PTCSC3: variants seen among roughly 807,000 people sequenced by gnomAD.
The protein encoded by PTCSC3 is papillary thyroid carcinoma susceptibility candidate 3 (non-protein coding).
At chr14:36,156,170 C>A (rs559116928) in intron 2 of PTCSC3, among the ~76,000 whole-genome samples, 2 of 152,356 alleles carry the variant, frequency 1.3e-5, no homozygotes, top group East Asian at 3.9e-4. Flanking sequence ...TACGTCTCTG[C>A]TCATGGTGAG....
intron 3 of PTCSC3, among the ~76,000 whole-genome samples, chr14:36,146,585 C>T (rs1292777115): frequency 1.3e-5 from 2 of 152,176 alleles, no homozygotes; most frequent in African/African-American, 2.4e-5. Flanking sequence ...TTCCTGAATA[C>T]AGCACACTGA....
intron 2 of PTCSC3, among the ~76,000 whole-genome samples, chr14:36,162,268 A>AAAC (rs1173664390): frequency 5.3e-5 from 3 of 56,926 alleles, no homozygotes; most frequent in African/African-American, 1.1e-4. Context: ...GAAAAAAAAA[A>AAAC]AAAAAAAAAA....
At position 36,157,263 on chromosome 14, in the gene PTCSC3, TTGTAAA is replaced by T. The variant is rs575376721; in HGVS notation, n.232-3375_232-3370del. On this transcript the variant is annotated intron_variant and non_coding_transcript_variant, in intron 2 of 3. Coordinates refer to ENST00000556013, the Ensembl canonical transcript of PTCSC3. ...ACTTTTTGATAGGGTTGTTTTTTTC[TTGTAAA>T]TGTAAGTTCTTTGTAGATTCTGAAT... is the stretch of plus-strand genomic sequence containing the variant. Among the ~76,000 whole-genome samples the T allele has an allele frequency of 5.3e-5, 8 of 152,204 alleles. No individual in the cohort carries two copies. The East Asian group carries it at 1.4e-3, about 26-fold the overall frequency.
rs117436751 is a variant in PTCSC3 at position 36,170,211 on chromosome 14, C to G, written n.171+6087G>C. 4.3e-3 allele frequency among the ~76,000 whole-genome samples: 647 copies of G among 151,860 alleles called. 3 individuals are homozygous for G. The highest frequency in any genetic ancestry group is 6.8e-3 in the Non-Finnish European group (460 of 67,910). On this transcript the variant is annotated intron_variant and non_coding_transcript_variant, in intron 1 of 3. Coordinates refer to ENST00000556013, the Ensembl canonical transcript of PTCSC3. ...TTTATAAATAAATATTAATAAATAT[C>G]TTCTGTAGGTTAAGAATTTCCCATG...
intron 3 of PTCSC3, among the ~76,000 whole-genome samples, chr14:36,151,893 G>A (rs1881731785): frequency 6.6e-6 from 1 of 152,128 alleles, no homozygotes; most frequent in Non-Finnish European, 1.5e-5. Flanking sequence ...AAGCAAGAGG[G>A]AATTTTTCTC....
chr14:36,156,781 T>C (rs886745155), intron 2 of PTCSC3, among the ~76,000 whole-genome samples: 1 of 152,194 alleles, frequency 6.6e-6, no homozygotes, highest in Non-Finnish European at 1.5e-5. Context: ...CCATGGTGTA[T>C]ATGTGCCACA....
intron 3 of PTCSC3, among the ~76,000 whole-genome samples, chr14:36,141,323 G>A (rs1881415697): frequency 1.3e-5 from 2 of 151,798 alleles, no homozygotes; most frequent in Admixed American, 6.6e-5. Flanking sequence ...ATCAAGTTGG[G>A]GATAACTGAC....
chr14:36,147,713 G>T (rs891552291), intron 3 of PTCSC3, among the ~76,000 whole-genome samples: 4 of 152,040 alleles, frequency 2.6e-5, no homozygotes, highest in African/African-American at 9.7e-5. Context: ...GAGGAACTGC[G>T]TTCCTTTGGA....
chr14:36,138,996 C>T (rs1881353979), intron 3 of PTCSC3, among the ~76,000 whole-genome samples: 1 of 151,908 alleles, frequency 6.6e-6, no homozygotes, highest in Admixed American at 6.6e-5. Flanking sequence ...TGCCTGTAGT[C>T]CCAGCTACTC....
chr14:36,166,236 C>G (rs997797277), intron 1 of PTCSC3, among the ~76,000 whole-genome samples: 1 of 152,162 alleles, frequency 6.6e-6, no homozygotes, highest in African/African-American at 2.4e-5. Flanking sequence ...CTTGCTCACA[C>G]GCTTCCTCTG....
intron 1 of PTCSC3, among the ~76,000 whole-genome samples, chr14:36,167,834 C>CT (rs1400765943): frequency 1.3e-5 from 2 of 152,126 alleles, no homozygotes; most frequent in East Asian, 3.8e-4. Context: ...TTTAAGCACT[C>CT]TAAAATGTTA....
chr14:36,172,581 G>A (rs1004456405), intron 1 of PTCSC3, among the ~76,000 whole-genome samples: 9 of 152,084 alleles, frequency 5.9e-5, no homozygotes, highest in African/African-American at 1.9e-4. Flanking sequence ...AATGTTCCTT[G>A]TTTTCAAATG....
intron 1 of PTCSC3, among the ~76,000 whole-genome samples, chr14:36,168,747 C>T (rs972600785): frequency 3.3e-5 from 5 of 152,092 alleles, no homozygotes; most frequent in African/African-American, 1.2e-4. Flanking sequence ...TCCCAAATAG[C>T]TGGAACTGCA....
chr14:36,152,663 C>A (rs1196484555), intron 3 of PTCSC3, among the ~76,000 whole-genome samples: 8 of 152,092 alleles, frequency 5.3e-5, no homozygotes, highest in African/African-American at 1.7e-4. Flanking sequence ...GAGGTCGAGG[C>A]AGGCAGATCA....
chr14:36,149,240 AC>A (rs954949276), intron 3 of PTCSC3, among the ~76,000 whole-genome samples: 150 of 151,898 alleles, frequency 9.9e-4, no homozygotes, highest in African/African-American at 3.5e-3. Flanking sequence ...TTCTTCTTTG[AC>A]CCATGTGTTA....
chr14:36,154,878 T>A (rs1881797512), intron 2 of PTCSC3, among the ~76,000 whole-genome samples: 1 of 152,240 alleles, frequency 6.6e-6, no homozygotes, highest in Non-Finnish European at 1.5e-5. Context: ...CCATTTGATA[T>A]GACCCAGTCT....
intron 2 of PTCSC3, among the ~76,000 whole-genome samples, chr14:36,155,393 G>T (rs1881806284): frequency 6.6e-6 from 1 of 152,106 alleles, no homozygotes; most frequent in South Asian, 2.1e-4. Context: ...GTAGCTGGTT[G>T]CTACCCCCAT....
chr14:36,164,329 A>G (rs1882040416), intron 1 of PTCSC3: 1 of 152,216 alleles, frequency 6.6e-6, no homozygotes, highest in Non-Finnish European at 1.5e-5. Flanking sequence ...TTAGGAGAAT[A>G]TAAAGGAAGG....
intron 1 of PTCSC3, chr14:36,165,114 T>A (rs549401032): frequency 6.6e-6 from 1 of 152,160 alleles, no homozygotes; most frequent in Admixed American, 6.5e-5. Flanking sequence ...TTCTCCAGGA[T>A]CCCATCATTC....
Sources: allele counts gnomAD v4.1 joint callset (sites outside exome capture counted in the v4.1 genomes callset), GRCh38; gene constraint gnomAD v4.1.1; transcripts MANE v1.5; gene names NCBI Gene and HGNC (gene_info 2026-07-23, HGNC 2026-07-21).